Variants in LRMDA observed in about 807,000 individuals in gnomAD.
LRMDA encodes the protein leucine-rich melanocyte differentiation-associated protein.
Under a neutral mutation model 29.8 loss-of-function variants are expected in LRMDA, and 18 were observed. The ratio of observed to expected loss-of-function variants is 0.60; its 90% CI spans 0.42 to 0.90. The LOEUF is 0.90. LRMDA is among the 40% of genes least tolerant of loss of function. The pLI is 0.00. For synonymous variants in LRMDA, 125 were observed against 109.4 expected (o/e 1.14, Z -0.89); for missense variants, 273 against 273.9 (o/e 1.00, Z 0.02).
At chr10:75,698,264 G>A (rs1842263587) in intron 2 of LRMDA, among the ~76,000 whole-genome samples, 1 of 151,964 alleles carries the variant, frequency 6.6e-6, no homozygotes, top group Non-Finnish European at 1.5e-5. Context: ...CCCCAGCTCC[G>A]ACCCCTACTC....
chr10:76,135,053 C>T (rs1850068523), intron 5 of LRMDA, among the ~76,000 whole-genome samples: 1 of 152,134 alleles, frequency 6.6e-6, no homozygotes, highest in South Asian at 2.1e-4. Context: ...AAGGTTTTAC[C>T]TATGCTCAAG....
At chr10:75,885,835 G>A (rs886250905) in intron 2 of LRMDA, among the ~76,000 whole-genome samples, 3 of 152,200 alleles carry the variant, frequency 2.0e-5, no homozygotes, top group South Asian at 2.1e-4. Context: ...AAAAGTGCTC[G>A]CTGAGCTCCA....
At chr10:76,003,210 C>T (rs1304809736) in intron 2 of LRMDA, among the ~76,000 whole-genome samples, 1 of 152,108 alleles carries the variant, frequency 6.6e-6, no homozygotes, top group Non-Finnish European at 1.5e-5. Flanking sequence ...AACCCTCTTT[C>T]CTGAGTACTC....
At chr10:76,432,196 G>A (rs1040580624) in intron 6 of LRMDA, among the ~76,000 whole-genome samples, 17 of 152,172 alleles carry the variant, frequency 1.1e-4, no homozygotes, top group Admixed American at 6.6e-5. Context: ...AGTGAAAGCT[G>A]AACTTTCTGA....
At chr10:75,551,050 T>C (rs1163828262) in intron 2 of LRMDA, among the ~76,000 whole-genome samples, 1 of 151,912 alleles carries the variant, frequency 6.6e-6, no homozygotes, top group African/African-American at 2.4e-5. Flanking sequence ...CTTTTTTTTT[T>C]AACCTGGGAA....
chr10:75,751,817 T>C (rs1253641172), intron 2 of LRMDA, among the ~76,000 whole-genome samples: 7 of 152,114 alleles, frequency 4.6e-5, no homozygotes, highest in Non-Finnish European at 8.8e-5. Context: ...CACAGAGAGG[T>C]AGTACCTTAG....
chr10:75,490,604 AT>A (rs1196866110), intron 2 of LRMDA, among the ~76,000 whole-genome samples: 1 of 152,202 alleles, frequency 6.6e-6, no homozygotes, highest in Non-Finnish European at 1.5e-5. Flanking sequence ...AAAGTCAACC[AT>A]TTCATTTTAG....
intron 5 of LRMDA, among the ~76,000 whole-genome samples, chr10:76,074,283 A>G (rs1392568580): frequency 6.6e-6 from 1 of 152,226 alleles, no homozygotes; most frequent in Non-Finnish European, 1.5e-5. Context: ...CTTCCCAAGT[A>G]GCACTAAACC....
chr10:75,924,384 C>A (rs1480701864), intron 2 of LRMDA, among the ~76,000 whole-genome samples: 2 of 152,068 alleles, frequency 1.3e-5, no homozygotes, highest in South Asian at 2.1e-4. Flanking sequence ...ATGCAAGCCC[C>A]ATAAAAAAGC....
At chr10:76,287,769 A>G (rs539383253) in intron 5 of LRMDA, among the ~76,000 whole-genome samples, 3 of 152,314 alleles carry the variant, frequency 2.0e-5, no homozygotes, top group East Asian at 3.9e-4. Flanking sequence ...TAAACTCTGT[A>G]AAAAGACCAG....
intron 1 of LRMDA, among the ~76,000 whole-genome samples, chr10:75,432,131 T>G (rs1844206531): frequency 1.3e-5 from 2 of 152,254 alleles, no homozygotes; most frequent in Non-Finnish European, 2.9e-5. Flanking sequence ...AAAGAATCCA[T>G]TTTGATAAAT....
In LRMDA at chr10:75,903,380, G is replaced by A. The variant is rs575532660; in HGVS notation, c.132-132628G>A. On this transcript the variant is annotated intron_variant, in intron 2 of 6. Coordinates refer to ENST00000611255, the MANE Select transcript of LRMDA (RefSeq NM_001305581.2). The stretch of plus-strand genomic sequence containing the variant: ...TAAATTGGTACATTAGGGCAAAAAC[G>A]ATGTCCACATTTGCATAGTTGATTT... 2.2e-4 allele frequency among the ~76,000 whole-genome samples: 34 copies of A among 152,260 alleles called. No individual in the cohort carries two copies. The South Asian group carries it at 3.1e-3, about 14-fold the overall frequency.
intron 2 of LRMDA, among the ~76,000 whole-genome samples, chr10:75,853,085 C>T (rs961380672): frequency 6.6e-5 from 10 of 152,014 alleles, no homozygotes; most frequent in African/African-American, 2.4e-4. Context: ...GGAAACTGCC[C>T]TCATGATTCG....
intron 2 of LRMDA, among the ~76,000 whole-genome samples, chr10:75,899,093 A>G (rs1845630015): frequency 6.6e-6 from 1 of 152,210 alleles, no homozygotes; most frequent in African/African-American, 2.4e-5. Context: ...AGGTTCATAT[A>G]TAGGGTGCTT....
At chr10:76,039,781 G>T (rs1848311677) in intron 3 of LRMDA, among the ~76,000 whole-genome samples, 2 of 152,182 alleles carry the variant, frequency 1.3e-5, no homozygotes, top group Non-Finnish European at 2.9e-5. Flanking sequence ...CCCATAGGTT[G>T]TTTTGAAGAT....
chr10:75,666,066 T>C (rs1424332616), intron 2 of LRMDA, among the ~76,000 whole-genome samples: 1 of 152,218 alleles, frequency 6.6e-6, no homozygotes, highest in Non-Finnish European at 1.5e-5. Context: ...ATGTAAGAAT[T>C]ATGATTTTAC....
chr10:76,408,946 G>C (rs1354921331), intron 6 of LRMDA, among the ~76,000 whole-genome samples: 1 of 152,198 alleles, frequency 6.6e-6, no homozygotes, highest in Non-Finnish European at 1.5e-5. Flanking sequence ...AAGGCATTTA[G>C]CACCTGGTAG....
intron 2 of LRMDA, among the ~76,000 whole-genome samples, chr10:75,592,514 CGGCGGA>C (rs1840735760): frequency 6.6e-6 from 1 of 152,158 alleles, no homozygotes. Flanking sequence ...GGCATCGGGA[CGGCGGA>C]GGCGGGGGCG....
intron 5 of LRMDA, among the ~76,000 whole-genome samples, chr10:76,252,499 A>G (rs1349084958): frequency 6.6e-6 from 1 of 152,176 alleles, no homozygotes; most frequent in African/African-American, 2.4e-5. Flanking sequence ...CACCACACAG[A>G]GGGGAGGACT....
Sources: allele counts gnomAD v4.1 joint callset (sites outside exome capture counted in the v4.1 genomes callset), GRCh38; gene constraint gnomAD v4.1.1; transcripts MANE v1.5; gene names NCBI Gene and HGNC (gene_info 2026-07-23, HGNC 2026-07-21).